FRAS1: variants seen among roughly 807,000 people sequenced by gnomAD.
FRAS1 encodes extracellular matrix organizing protein FRAS1.
In FRAS1, 290 loss-of-function variants were observed where a neutral mutation model predicts 435.2. The observed-to-expected ratio is 0.67, with a 90% CI of 0.61 to 0.73. The LOEUF (loss-of-function observed/expected upper bound fraction) is 0.73. Among genes scored for constraint, FRAS1 ranks in the 30% least tolerant of loss-of-function variants. The pLI is 0.00. For missense variants in FRAS1, 4,860 were observed against 5,001.5 expected (o/e 0.97, Z 0.85); for synonymous variants, 1,800 against 1,851.0 (o/e 0.97, Z 0.71).
chr4:78,513,489 A>G lies in FRAS1; in HGVS notation c.10111A>G (p.Ile3371Val), dbSNP rs376048305. The change falls in exon 65 of 74, where the codon ATC becomes GTC. Residue 3371 changes from isoleucine (I) to valine (V), a missense_variant. Transcript: ENST00000512123. ...CTTACATTTTCTACTGTCTGAGTCC[A>G]TCTACAGACACCAGCACGTCTGCTC... The part of the protein sequence containing the change: ...HNLHFLLSES[I>V]YRHQHVCSNL... 2.9e-5 allele frequency: 46 copies of G among 1,613,464 alleles called. No individual in the cohort carries two copies. Among genetic ancestry groups the G allele is most frequent in the Non-Finnish European group, 3.3e-5 (39 of 1,179,528 alleles).
intron 2 of FRAS1, among the ~76,000 whole-genome samples, chr4:78,121,654 A>G (rs562048658): frequency 1.2e-4 from 19 of 152,284 alleles, no homozygotes; most frequent in African/African-American, 4.6e-4. Flanking sequence ...TACTCTTCAG[A>G]TGTATTATAT....
intron 61 of FRAS1, among the ~76,000 whole-genome samples, chr4:78,506,689 C>T (rs1218635418): frequency 1.3e-5 from 2 of 152,188 alleles, no homozygotes; most frequent in Non-Finnish European, 2.9e-5. Context: ...AGGAAATCCC[C>T]CGACCCCTTG....
intron 47 of FRAS1, among the ~76,000 whole-genome samples, chr4:78,458,147 A>T (rs887888614): frequency 3.9e-5 from 6 of 152,144 alleles, no homozygotes; most frequent in Non-Finnish European, 8.8e-5. Context: ...GCCTCCAGGG[A>T]TGTGTGAGCT....
chr4:78,540,988 G>T lies in FRAS1; in HGVS notation c.11903G>T (p.Arg3968Ile). The change falls in exon 74 of 74, where the codon AGA becomes ATA. Residue 3968 changes from arginine to isoleucine, a missense_variant. Physicochemically the swap from Arg to Ile is moderately conservative, Grantham distance 97 (BLOSUM62 -3). Coordinates refer to ENST00000512123, the MANE Select transcript of FRAS1 (RefSeq NM_025074.7). ...GACCGGGTGGAGAAGAACGTGAATA[G>T]ACACTACTGCACTGTGCGGAACGTC... is the stretch of plus-strand genomic sequence containing the variant. The part of the protein sequence containing the change: ...HPDRVEKNVN[R>I]HYCTVRNVNI... 1 of 1,613,060 alleles carries T rather than the reference G, an allele frequency of 6.2e-7. No individual in the cohort carries two copies. Among genetic ancestry groups the T allele is most frequent in the Non-Finnish European group, 8.5e-7 (1 of 1,179,416 alleles).
chr4:78,154,209 G>A (rs146012839), intron 2 of FRAS1, among the ~76,000 whole-genome samples: 44 of 151,882 alleles, frequency 2.9e-4, no homozygotes, highest in African/African-American at 9.4e-4. Flanking sequence ...ACTCACTATC[G>A]GGGTTGGTGT....
intron 29 of FRAS1, among the ~76,000 whole-genome samples, chr4:78,393,023 T>TTA (rs1732513661): frequency 7.1e-6 from 1 of 140,694 alleles, no homozygotes; most frequent in African/African-American, 2.8e-5. Context: ...TTTTTTTTTT[T>TTA]AAAAAAAACC....
intron 3 of FRAS1, among the ~76,000 whole-genome samples, chr4:78,241,105 A>C (rs1184592137): frequency 6.6e-6 from 1 of 152,046 alleles, no homozygotes; most frequent in African/African-American, 2.4e-5. Flanking sequence ...TGGGGAAAGG[A>C]AGGCTGAATA....
Position 78,284,497 on chromosome 4 carries a change from T to G in FRAS1, c.1348T>G (p.Cys450Gly). Residue 450 changes from cysteine (C) to glycine (G), a missense_variant, in exon 13 of 74, where the codon TGT becomes GGT. Physicochemically the swap from Cys to Gly is radical, Grantham distance 159. Coordinates refer to ENST00000512123, the MANE Select transcript of FRAS1 (RefSeq NM_025074.7). ...DPTKLLQNGW[C>G]VHSCGLGFYQ... ...TACCAAGTTACTGCAGAATGGATGG[T>G]GTGTGCACAGCTGTGGACTGGGTTT... 1 of 1,613,824 alleles carries G rather than the reference T, an allele frequency of 6.2e-7. No homozygotes were observed. The highest frequency in any genetic ancestry group is 1.1e-5 in the South Asian group (1 of 91,058).
intron 2 of FRAS1, among the ~76,000 whole-genome samples, chr4:78,113,975 G>A (rs1333783461): frequency 1.3e-5 from 2 of 152,098 alleles, no homozygotes; most frequent in African/African-American, 2.4e-5. Context: ...TAACATGTAA[G>A]TCTTTAATCC....
At chr4:78,277,926 C>T (rs1465827253) in intron 9 of FRAS1, among the ~76,000 whole-genome samples, 1 of 152,044 alleles carries the variant, frequency 6.6e-6, no homozygotes, top group African/African-American at 2.4e-5. Context: ...ATTCTCCTGC[C>T]TCAGCCTCCT....
intron 2 of FRAS1, among the ~76,000 whole-genome samples, chr4:78,158,777 A>G (rs1424917278): frequency 6.6e-6 from 1 of 152,116 alleles, no homozygotes; most frequent in Non-Finnish European, 1.5e-5. Context: ...TTTATCTCCT[A>G]TGACCTCTTT....
At chr4:78,209,526 C>T (rs1723415307) in intron 2 of FRAS1, among the ~76,000 whole-genome samples, 1 of 152,086 alleles carries the variant, frequency 6.6e-6, no homozygotes, top group African/African-American at 2.4e-5. Context: ...CTGTTCAGAC[C>T]TGGTGGTGCT....
At position 78,488,968 on chromosome 4, in the gene FRAS1, A is replaced by T. The variant is rs200212920; in HGVS notation, c.8846A>T (p.Tyr2949Phe). The part of the protein sequence containing the change: ...VPITRSGDLS[Y>F]ESSVRCYTQS... ...ATCACTCGGAGCGGAGACCTGAGCT[A>T]TGAGTCATCAGTGAGGTGCTATACT... Residue 2949 changes from tyrosine to phenylalanine, a missense_variant, in exon 59 of 74, where the codon TAT becomes TTT. Transcript: ENST00000512123. 452 of 1,613,594 alleles carry T rather than the reference A, an allele frequency of 2.8e-4. 2 individuals are homozygous for T. The highest frequency in any genetic ancestry group is 7.0e-4 in the South Asian group (64 of 91,080).
intron 2 of FRAS1, among the ~76,000 whole-genome samples, chr4:78,113,675 G>A (rs1560528064): frequency 6.6e-6 from 1 of 152,082 alleles, no homozygotes. Flanking sequence ...TGATGGGGTT[G>A]TTTGTTTTTT....
At chr4:78,123,851 G>T (rs1298859438) in intron 2 of FRAS1, among the ~76,000 whole-genome samples, 1 of 152,192 alleles carries the variant, frequency 6.6e-6, no homozygotes, top group East Asian at 1.9e-4. Flanking sequence ...TGCTGAAGCT[G>T]CTTATCAGCT....
intron 17 of FRAS1, 21 bp downstream of exon 17, chr4:78,317,529 A>G: frequency 6.2e-7 from 1 of 1,601,252 alleles, no homozygotes; most frequent in Admixed American, 1.7e-5. Context: ...TGTCACCATC[A>G]TTCTTGAGAG....
At chr4:78,072,049 T>TA (rs1740382520) in intron 2 of FRAS1, 1 of 151,976 alleles carries the variant, frequency 6.6e-6, no homozygotes, top group Non-Finnish European at 1.5e-5. Flanking sequence ...GTTTTTTTTT[T>TA]AAACCAAGCA....
At chr4:78,511,670 C>G in intron 64 of FRAS1, 164 bp downstream of exon 64, 1 of 680,922 alleles carries the variant, frequency 1.5e-6, no homozygotes. Flanking sequence ...CAAGCTCGGG[C>G]CCCCTGCCTA....
intron 7 of FRAS1, among the ~76,000 whole-genome samples, chr4:78,266,570 G>A (rs6820900): frequency 0.95 from 143,844 of 152,140 alleles, 68,398 homozygotes; most frequent in Non-Finnish European, 1. Flanking sequence ...CAATGTCTCG[G>A]GTCTCTATGT....
Sources: gnomAD v4.1 joint callset for allele counts (sites outside exome capture counted in the v4.1 genomes callset) on GRCh38, gnomAD v4.1.1 for gene constraint, MANE v1.5 for transcripts, NCBI Gene and HGNC (gene_info 2026-07-23, HGNC 2026-07-21) for gene names.